The following EPB41L4A variants were observed in gnomAD, a reference collection of about 807,000 sequenced individuals.
EPB41L4A encodes band 4.1-like protein 4A.
A neutral mutation model predicts 108.6 loss-of-function variants in EPB41L4A; 100 were observed. The observed-to-expected ratio is 0.92, with a 90% CI of 0.78 to 1.09. The LOEUF (loss-of-function observed/expected upper bound fraction) is 1.09. Ranked by LOEUF, EPB41L4A falls within the 50% of genes least tolerant of loss-of-function variation. EPB41L4A has a pLI of 0.00. For missense variants in EPB41L4A, 1,030 were observed against 842.7 expected, an observed-to-expected ratio of 1.22 and a Z score of -2.75; for synonymous variants, 319 against 289.0, an observed-to-expected ratio of 1.10 and a Z score of -1.05.
intron 12 of EPB41L4A, 35 bp from the exon 13 acceptor site, chr5:112,210,017 A>C: frequency 1.6e-6 from 2 of 1,250,730 alleles, no homozygotes; most frequent in South Asian, 2.6e-5. Context: ...TGGAAGAGAG[A>C]GGAAACAGTG....
At chr5:112,297,557 G>A (rs868190298) in intron 2 of EPB41L4A, among the ~76,000 whole-genome samples, 2 of 152,086 alleles carry the variant, frequency 1.3e-5, no homozygotes, top group Non-Finnish European at 2.9e-5. Context: ...TATAGATTGT[G>A]AAGATCTTCT....
chr5:112,259,124 T>C (rs938976399), intron 9 of EPB41L4A, 105 bp downstream of exon 9: 1 of 864,732 alleles, frequency 1.2e-6, no homozygotes, highest in South Asian at 1.5e-5. Context: ...CCTGGTTCCA[T>C]GTGGAAGCAG....
At chr5:112,161,907 A>C (rs920586503), downstream of EPB41L4A, 7 of 177,368 alleles carry the variant, frequency 3.9e-5, no homozygotes, top group African/African-American at 1.2e-4. Context: ...TATTAAGGTG[A>C]GTTAATAAAT....
chr5:112,314,161 G>A lies in EPB41L4A; in HGVS notation c.100-6671C>T, dbSNP rs532989462. Among the ~76,000 whole-genome samples, 25 of 151,866 alleles carry A rather than the reference G, an allele frequency of 1.6e-4. No homozygotes were observed. In the East Asian group the frequency reaches 2.3e-3, roughly 14 times the overall value. On this transcript the variant is annotated intron_variant, in intron 1 of 22. Coordinates refer to ENST00000261486, the MANE Select transcript of EPB41L4A (RefSeq NM_022140.5). ...GCATGAGCCACCGCACCTGGCCACC[G>A]TGTAACTTTCTAATCTGAATTATTC...
chr5:112,300,497 G>A (rs1325322053), intron 2 of EPB41L4A, among the ~76,000 whole-genome samples: 4 of 152,092 alleles, frequency 2.6e-5, no homozygotes, highest in Non-Finnish European at 4.4e-5. Context: ...TACCTTGTAG[G>A]GTTTCTGCTG....
chr5:112,401,343 C>A (rs1580837630), intron 1 of EPB41L4A, among the ~76,000 whole-genome samples: 1 of 152,232 alleles, frequency 6.6e-6, no homozygotes, highest in South Asian at 2.1e-4. Flanking sequence ...ATGCATTTAA[C>A]GTATTCACTA....
chr5:112,224,271 C>A (rs1748295817), intron 12 of EPB41L4A, among the ~76,000 whole-genome samples: 1 of 152,072 alleles, frequency 6.6e-6, no homozygotes, highest in Admixed American at 6.6e-5. Context: ...AAAGAATTGG[C>A]TAGAAGGTTT....
In EPB41L4A at chr5:112,326,051, G is replaced by A. The variant is rs373951640; in HGVS notation, c.100-18561C>T. On this transcript the variant is annotated intron_variant, in intron 1 of 22. Coordinates refer to ENST00000261486, the MANE Select transcript of EPB41L4A (RefSeq NM_022140.5). Reference sequence around the variant, plus strand: ...TGTATTTCCAGCTACTTGGGAGGCTGAGGCAGGAAGATTGCTTGAATCCAG... The same window carrying A: ...TGTATTTCCAGCTACTTGGGAGGCTAAGGCAGGAAGATTGCTTGAATCCAG... 2.0e-5 allele frequency among the ~76,000 whole-genome samples: 3 copies of A among 152,146 alleles called. No homozygotes were observed. The East Asian group carries it at 5.8e-4, about 29-fold the overall frequency.
chr5:112,302,172 A>G (rs993377551), intron 2 of EPB41L4A, among the ~76,000 whole-genome samples: 14 of 152,136 alleles, frequency 9.2e-5, no homozygotes, highest in Non-Finnish European at 1.9e-4. Flanking sequence ...CAAAATTTCA[A>G]TTCTCAACCT....
At chr5:112,143,278 G>T (rs1258041231) in exon 14 of EPB41L4A, 2 of 152,120 alleles carry the variant, frequency 1.3e-5, no homozygotes, top group African/African-American at 4.8e-5. Context: ...ACTGATACAG[G>T]TACTACATAG....
At chr5:112,201,996 C>G (rs1376320845) in intron 15 of EPB41L4A, among the ~76,000 whole-genome samples, 1 of 152,174 alleles carries the variant, frequency 6.6e-6, no homozygotes, top group Admixed American at 6.5e-5. Flanking sequence ...CATCTATAAT[C>G]TACTCTCTAC....
intron 1 of EPB41L4A, among the ~76,000 whole-genome samples, chr5:112,339,106 T>G (rs1757103718): frequency 6.6e-6 from 1 of 152,130 alleles, no homozygotes; most frequent in South Asian, 2.1e-4. Context: ...GCCTGGCGAC[T>G]GGGTTTAGGT....
chr5:112,262,499 C>A lies in EPB41L4A; in HGVS notation c.637G>T (p.Val213Phe), dbSNP rs766314158. 7.4e-6 allele frequency: 12 copies of A among 1,612,766 alleles called. No individual in the cohort carries two copies. The highest frequency in any genetic ancestry group is 2.2e-5 in the South Asian group (2 of 91,012). ...LEMYGVDLHP[V>F]YGENKSEYFL... The stretch of plus-strand genomic sequence containing the variant: ...GTTAATTAAATGTTACTCACATAGA[C>A]GGGATGGAGGTCAACGCCATACATC... Residue 213 changes from valine (V) to phenylalanine (F), a missense_variant, in exon 7 of 23, where the codon GTC (valine) becomes TTC (phenylalanine). Val to Phe is a conservative substitution (Grantham distance 50, BLOSUM62 -1). Coordinates refer to ENST00000261486, the MANE Select transcript of EPB41L4A (RefSeq NM_022140.5).
chr5:112,395,856 C>T (rs1214782503), intron 1 of EPB41L4A, among the ~76,000 whole-genome samples: 3 of 152,126 alleles, frequency 2.0e-5, no homozygotes, highest in South Asian at 2.1e-4. Flanking sequence ...AAATGTCCAT[C>T]AATGATAGAC....
At chr5:112,323,214 G>A (rs1484226580) in intron 1 of EPB41L4A, among the ~76,000 whole-genome samples, 1 of 152,066 alleles carries the variant, frequency 6.6e-6, no homozygotes, top group African/African-American at 2.4e-5. Flanking sequence ...GGAAAGGAGG[G>A]AAGAGGGAAG....
rs768493580 is a variant in EPB41L4A at position 112,262,531 on chromosome 5, GA to G, written c.604del (p.Ser202ProfsTer22). 16 of 1,613,884 alleles carry G rather than the reference GA, an allele frequency of 9.9e-6. No individual in the cohort carries two copies. Among genetic ancestry groups the G allele is most frequent in the Non-Finnish European group, 1.4e-5 (16 of 1,179,976 alleles). ...AELNYLRTAK[S>X]LEMYGVDLHP... ...GAGGTCAACGCCATACATCTCCAGG[GA>G]TTTGGCAGTCCTCAAGTAATTCAGC... On this transcript the variant is annotated frameshift_variant, in exon 7 of 23. Transcript: ENST00000261486. LOFTEE classifies it high-confidence loss of function.
intron 1 of EPB41L4A, among the ~76,000 whole-genome samples, chr5:112,344,352 TA>T (rs1317646038): frequency 6.6e-6 from 1 of 152,142 alleles, no homozygotes; most frequent in Non-Finnish European, 1.5e-5. Context: ...ACACACTTAC[TA>T]GAACATTAAT....
rs781402563 is a variant in EPB41L4A, at chr5:112,307,432, T to G, written c.158A>C (p.Glu53Ala). Residue 53 changes from glutamate (E) to alanine (A), a missense_variant, in exon 2 of 23, where the codon GAG becomes GCG. Coordinates refer to ENST00000261486, the MANE Select transcript of EPB41L4A (RefSeq NM_022140.5). ...GTAACGTAGCCCAAAATAATCTATC[T>G]CCACAAGGTTTACGTGATGGAATAC... ...DHVFHHVNLV[E>A]IDYFGLRYCD... is the part of the protein sequence containing the mutation. The G allele has an allele frequency of 1.2e-6, 2 of 1,613,328 alleles. No individual in the cohort carries two copies. Among genetic ancestry groups the G allele is most frequent in the East Asian group, 4.5e-5 (2 of 44,868 alleles).
At chr5:112,195,556 A>C (rs1580408568) in intron 16 of EPB41L4A, 105 bp downstream of exon 16, 1 of 980,402 alleles carries the variant, frequency 1.0e-6, no homozygotes, top group East Asian at 2.6e-5. Context: ...TGAAAGTAAA[A>C]AAAATAAAAA....
Sources: allele counts gnomAD v4.1 joint callset (sites outside exome capture counted in the v4.1 genomes callset), GRCh38; gene constraint gnomAD v4.1.1; transcripts MANE v1.5; gene names NCBI Gene and HGNC (gene_info 2026-07-23, HGNC 2026-07-21).